Variants in C11orf65 observed in about 807,000 individuals in gnomAD.
C11orf65 encodes protein MFI.
A neutral mutation model predicts 35.3 loss-of-function variants in C11orf65; 38 were observed. The ratio of observed to expected loss-of-function variants is 1.08; its 90% CI spans 0.83 to 1.41. The LOEUF (loss-of-function observed/expected upper bound fraction) is 1.41, where lower values mean the gene tolerates loss of function less well. Ranked by LOEUF, C11orf65 falls within the 40% of genes most tolerant of loss-of-function variation. C11orf65 has a pLI of 0.00. For synonymous variants in C11orf65, 105 were observed against 114.4 expected (o/e 0.92, Z 0.53); for missense variants, 370 against 367.1 (o/e 1.01, Z -0.06).
intron 1 of C11orf65, among the ~76,000 whole-genome samples, chr11:108,462,880 G>A (rs761275589): frequency 2.0e-5 from 3 of 152,198 alleles, no homozygotes; most frequent in Admixed American, 6.5e-5. Context: ...ATGGTTTTGG[G>A]AGGCCAAGGC....
At chr11:108,327,856 G>A, downstream of C11orf65, 1 of 984,662 alleles carries the variant, frequency 1.0e-6, no homozygotes, top group Non-Finnish European at 1.6e-6. Context: ...ATAAAAGTAT[G>A]GTTTTATTTT....
chr11:108,429,167 G>GA (rs960855856), intron 3 of C11orf65, among the ~76,000 whole-genome samples: 27 of 151,760 alleles, frequency 1.8e-4, no homozygotes, highest in Admixed American at 4.6e-4. Flanking sequence ...AAAGAAAAAA[G>GA]AAAAAAACAA....
intron 8 of C11orf65, 127 bp downstream of exon 8, chr11:108,385,788 ATGACT>A: frequency 1.4e-6 from 1 of 705,648 alleles, no homozygotes; most frequent in Non-Finnish European, 2.4e-6. Context: ...AAAGGTAAAA[ATGACT>A]TGACAAATGC....
chr11:108,319,264 A>T (rs2085012390), intron 6 of C11orf65, among the ~76,000 whole-genome samples: 2 of 152,160 alleles, frequency 1.3e-5, no homozygotes, highest in African/African-American at 4.8e-5. Context: ...TATTTTAAAA[A>T]CCTTTTCCTG....
chr11:108,326,074 T>C lies in C11orf65; in HGVS notation c.641-17003A>G, dbSNP rs1283858462. The C allele has an allele frequency of 2.4e-5, 39 of 1,614,124 alleles. No individual in the cohort carries two copies. Among genetic ancestry groups the C allele is most frequent in the Non-Finnish European group, 3.2e-5 (38 of 1,179,988 alleles). ...TCATTTCAGCTCCCTGAAAGGGCAA[T>C]ATTTCAAATTAAACAGTACAATTCA... On this transcript the variant is annotated intron_variant, in intron 6 of 6. Coordinates refer to the C11orf65 transcript ENST00000525729.
At chr11:108,327,393 C>T (rs534110415), downstream of C11orf65, 359 of 429,488 alleles carry the variant, frequency 8.4e-4, no homozygotes, top group Non-Finnish European at 1.3e-3. Flanking sequence ...TACAAAGTGT[C>T]TGACATATAT....
chr11:108,315,401 AG>A (rs1332169960), intron 6 of C11orf65, among the ~76,000 whole-genome samples: 1 of 152,224 alleles, frequency 6.6e-6, no homozygotes, highest in Non-Finnish European at 1.5e-5. Flanking sequence ...TCTTTGTAAT[AG>A]ATTTGTGTAT....
At chr11:108,422,415 T>C (rs1157581374) in intron 3 of C11orf65, among the ~76,000 whole-genome samples, 1 of 152,176 alleles carries the variant, frequency 6.6e-6, no homozygotes, top group African/African-American at 2.4e-5. Context: ...ATAGGACTGT[T>C]ATAAAGCTGT....
intron 2 of C11orf65, among the ~76,000 whole-genome samples, chr11:108,446,515 T>C (rs1388506417): frequency 6.6e-6 from 1 of 151,682 alleles, no homozygotes; most frequent in African/African-American, 2.4e-5. Flanking sequence ...ACCCAGAATT[T>C]CATATCCAGC....
At chr11:108,435,795 A>G (rs1433292558) in intron 2 of C11orf65, among the ~76,000 whole-genome samples, 1 of 152,198 alleles carries the variant, frequency 6.6e-6, no homozygotes, top group Non-Finnish European at 1.5e-5. Flanking sequence ...AAACAAATGT[A>G]AAGTGTGTTA....
rs730881320 is a variant in C11orf65 at position 108,335,002 on chromosome 11, A to G, written c.299+218T>C. The stretch of plus-strand genomic sequence containing the variant: ...CACAGGAGAATATGGAAATCTGGTG[A>G]CTATACAGTCATTTAAAGCAGAATT... On this transcript the variant is annotated intron_variant, in intron 3 of 3. Coordinates refer to the C11orf65 transcript ENST00000524755. 1 of 1,613,696 alleles carries G rather than the reference A, an allele frequency of 6.2e-7. No homozygotes were observed. Among genetic ancestry groups the G allele is most frequent in the Non-Finnish European group, 8.5e-7 (1 of 1,179,644 alleles).
rs2092203029 is a variant in C11orf65 at position 108,393,030 on chromosome 11, A to C, written c.731+178T>G. 3.9e-5 allele frequency among the ~76,000 whole-genome samples: 6 copies of C among 152,172 alleles called. No homozygotes were observed. In the South Asian group the frequency reaches 1.2e-3, roughly 31 times the overall value. On this transcript the variant is annotated intron_variant, in intron 7 of 8. Coordinates refer to ENST00000393084, the MANE Select transcript of C11orf65 (RefSeq NM_152587.5). ...ATTTTCTGTTTACTATTTTTGGATC[A>C]TTCATTTTCTTACCCCTCATGTCTT...
At chr11:108,333,827 C>A in intron 3 of C11orf65, 1 of 1,339,900 alleles carries the variant, frequency 7.5e-7, no homozygotes, top group African/African-American at 1.4e-5. Context: ...ACTATTCCTG[C>A]TTGACCTTCA....
intron 3 of C11orf65, chr11:108,331,687 A>G: frequency 7.4e-7 from 1 of 1,346,476 alleles, no homozygotes; most frequent in Non-Finnish European, 1.0e-6. Context: ...GTCTTCTCAC[A>G]TCACATAAGT....
At chr11:108,446,908 C>T (rs1452892079) in intron 2 of C11orf65, among the ~76,000 whole-genome samples, 4 of 152,074 alleles carry the variant, frequency 2.6e-5, no homozygotes, top group Non-Finnish European at 4.4e-5. Flanking sequence ...CAGAGACACA[C>T]ATAGGCTCAA....
At chr11:108,334,030 T>C in intron 3 of C11orf65, 1 of 1,306,756 alleles carries the variant, frequency 7.7e-7, no homozygotes. Context: ...ATTGAACCAT[T>C]TGAAATAGTA....
At chr11:108,335,461 G>A (rs371714480) in intron 2 of C11orf65, among the ~76,000 whole-genome samples, 5 of 152,056 alleles carry the variant, frequency 3.3e-5, no homozygotes, top group South Asian at 2.1e-4. Flanking sequence ...ACCGGGTCTC[G>A]TACTGTGCCA....
rs1473703127 is a variant in C11orf65, at chr11:108,461,666, C to T, written c.-9-98G>A. 4 of 809,126 alleles carry T rather than the reference C, an allele frequency of 4.9e-6. No homozygotes were observed. The African/African-American group carries it at 7.1e-5, about 14-fold the overall frequency. The allele number at this position is 809,126 out of a possible 1,614,324, so 50.1% of individuals were successfully genotyped here. On this transcript the variant is annotated intron_variant, in intron 1 of 8. Coordinates refer to ENST00000393084, the MANE Select transcript of C11orf65 (RefSeq NM_152587.5). ...TTTTAGAGACACATTCTTGCTCTGT[C>T]ACCCAAGCTGGAGTGCAGTGGTGCG...
chr11:108,354,344 A>G (rs1174242745), intron 2 of C11orf65, among the ~76,000 whole-genome samples: 1 of 152,074 alleles, frequency 6.6e-6, no homozygotes, highest in African/African-American at 2.4e-5. Context: ...CCAAACTACT[A>G]TTGGGTGCTC....
Sources: gnomAD v4.1 joint callset for allele counts (sites outside exome capture counted in the v4.1 genomes callset) on GRCh38, gnomAD v4.1.1 for gene constraint, MANE v1.5 for transcripts, NCBI Gene and HGNC (gene_info 2026-07-23, HGNC 2026-07-21) for gene names.